The following ROS1 variants were observed in gnomAD, a reference collection of about 807,000 sequenced individuals.
ROS1 encodes the protein ROS proto-oncogene 1, receptor tyrosine kinase, also known as proto-oncogene tyrosine-protein kinase ROS.
A neutral mutation model predicts 273.5 loss-of-function variants in ROS1; 263 were observed. The observed-to-expected ratio is 0.96, with a 90% CI of 0.87 to 1.06. ROS1 has a LOEUF of 1.06. Among genes scored for constraint, ROS1 ranks in the 50% least tolerant of loss-of-function variants. The pLI is 0.00. For synonymous variants in ROS1, 1,008 were observed against 954.1 expected, an observed-to-expected ratio of 1.06 and a Z score of -1.04; for missense variants, 2,833 against 2,751.1, an observed-to-expected ratio of 1.03 and a Z score of -0.67.
intron 21 of ROS1, among the ~76,000 whole-genome samples, chr6:117,363,848 A>T (rs1476818932): frequency 6.6e-6 from 1 of 151,930 alleles, no homozygotes; most frequent in East Asian, 1.9e-4. Context: ...CTGTTTTATG[A>T]ACTCCATCAG....
At chr6:117,299,738 A>G (rs910749590) in intron 43 of ROS1, 2 of 152,242 alleles carry the variant, frequency 1.3e-5, no homozygotes, top group African/African-American at 4.8e-5. Flanking sequence ...TTTTAATAAC[A>G]AGAAGTTCTA....
intron 35 of ROS1, among the ~76,000 whole-genome samples, chr6:117,323,735 T>C (rs1239862378): frequency 6.6e-6 from 1 of 152,086 alleles, no homozygotes; most frequent in Non-Finnish European, 1.5e-5. Context: ...AGAAAAAAAA[T>C]AGCTTTCTAT....
intron 27 of ROS1, among the ~76,000 whole-genome samples, chr6:117,344,736 T>C (rs1264542611): frequency 1.3e-5 from 2 of 152,218 alleles, no homozygotes; most frequent in East Asian, 3.9e-4. Flanking sequence ...AATAAAGGAC[T>C]CACTAAGGAT....
At chr6:117,329,572 G>A (rs2128594084) in intron 32 of ROS1, 126 bp from the exon 33 acceptor site, 3 of 582,776 alleles carry the variant, frequency 5.1e-6, no homozygotes, top group Non-Finnish European at 9.0e-6. Context: ...GCGGGGCCAA[G>A]ATGGCCGACT....
intron 1 of ROS1, among the ~76,000 whole-genome samples, chr6:117,425,200 A>G (rs1341009311): frequency 6.6e-6 from 1 of 152,202 alleles, no homozygotes; most frequent in Non-Finnish European, 1.5e-5. Flanking sequence ...GTTTCAAGAC[A>G]ACTACTAATG....
intron 29 of ROS1, 23 bp downstream of exon 29, chr6:117,342,377 C>T (rs749969504): frequency 4.4e-6 from 7 of 1,605,208 alleles, no homozygotes; most frequent in African/African-American, 1.3e-5. Flanking sequence ...GCTTGAGAAA[C>T]CCACAACAAG....
chr6:117,328,733 T>C (rs1327044844), intron 33 of ROS1: 2 of 613,924 alleles, frequency 3.3e-6, no homozygotes, highest in East Asian at 3.4e-5. Flanking sequence ...AAGCCAGTTA[T>C]GGTTCACGTG....
intron 27 of ROS1, among the ~76,000 whole-genome samples, chr6:117,347,819 T>C (rs1778499902): frequency 6.6e-6 from 1 of 152,068 alleles, no homozygotes; most frequent in African/African-American, 2.4e-5. Context: ...CATCTATCAA[T>C]GTGACCGCCT....
intron 35 of ROS1, 120 bp from the exon 36 acceptor site, chr6:117,321,514 T>C (rs1014328549): frequency 5.5e-5 from 44 of 805,814 alleles, no homozygotes; most frequent in African/African-American, 5.1e-4. Flanking sequence ...AGAATAGTTA[T>C]AGAAGTTTTC....
rs891349668 is a variant in ROS1, at chr6:117,288,225, G to A, written c.*267C>T. ...ACCTCAAGGGAGAAGGGAGAGCAGT[G>A]TTTCCCTTCCAGACTTCTGAGTCTT... is the stretch of plus-strand genomic sequence containing the variant. On this transcript the variant is annotated 3_prime_UTR_variant, in exon 44 of 44. Coordinates refer to ENST00000368507, the MANE Select transcript of ROS1 (RefSeq NM_001378902.1). The A allele has an allele frequency of 1.3e-5, 6 of 468,056 alleles. No homozygotes were observed. Among genetic ancestry groups the A allele is most frequent in the South Asian group, 3.0e-5 (1 of 33,236 alleles). 29.0% of individuals were successfully genotyped at this position (468,056 alleles called of 1,614,324 possible).
chr6:117,311,316 A>T (rs575072554), intron 39 of ROS1, among the ~76,000 whole-genome samples, 199 bp from the exon 40 acceptor site: 7 of 152,240 alleles, frequency 4.6e-5, no homozygotes, highest in Non-Finnish European at 7.4e-5. Context: ...AAATATACAT[A>T]AAAAATGACA....
At chr6:117,377,314 T>C (rs1461628605) in intron 18 of ROS1, among the ~76,000 whole-genome samples, 1 of 152,132 alleles carries the variant, frequency 6.6e-6, no homozygotes, top group African/African-American at 2.4e-5. Context: ...TTTCACCACG[T>C]TGGTCAGGCT....
chr6:117,336,625 C>G (rs1413793815), intron 32 of ROS1, among the ~76,000 whole-genome samples: 1 of 152,122 alleles, frequency 6.6e-6, no homozygotes, highest in Non-Finnish European at 1.5e-5. Flanking sequence ...AATAGTGCTA[C>G]AGTGAACATA....
At chr6:117,313,571 C>T (rs1423095380) in intron 39 of ROS1, among the ~76,000 whole-genome samples, 1 of 115,552 alleles carries the variant, frequency 8.7e-6, no homozygotes, top group Non-Finnish European at 1.9e-5. Flanking sequence ...AGACTCTGTC[C>T]AAAAAAAAAA....
chr6:117,404,248 C>A (rs1464339432), intron 6 of ROS1, 32 bp downstream of exon 6: 5 of 1,593,572 alleles, frequency 3.1e-6, no homozygotes, highest in Non-Finnish European at 4.3e-6. Flanking sequence ...GGGAAGGGGT[C>A]TGGGTTGAGG....
At chr6:117,372,566 TTGGAGTTTCTTCCTTCTGG>T (rs1388917225) in intron 18 of ROS1, among the ~76,000 whole-genome samples, 1 of 152,178 alleles carries the variant, frequency 6.6e-6, no homozygotes, top group Non-Finnish European at 1.5e-5. Context: ...TCGGATGTGT[TTGGAGTTTCTTCCTTCTGG>T]TGGGTTCGTG....
At chr6:117,398,159 A>T (rs1437479470) in intron 7 of ROS1, among the ~76,000 whole-genome samples, 1 of 152,178 alleles carries the variant, frequency 6.6e-6, no homozygotes, top group African/African-American at 2.4e-5. Flanking sequence ...ATATAATTAG[A>T]ATGTCAAAAT....
At chr6:117,302,448 A>G (rs1349331856) in intron 42 of ROS1, among the ~76,000 whole-genome samples, 3 of 152,144 alleles carry the variant, frequency 2.0e-5, no homozygotes, top group Admixed American at 1.3e-4. Flanking sequence ...CCAGAATTCA[A>G]TAAGGAGTGA....
chr6:117,311,791 T>C (rs1010555192), intron 39 of ROS1, among the ~76,000 whole-genome samples: 29 of 152,106 alleles, frequency 1.9e-4, no homozygotes, highest in African/African-American at 7.0e-4. Context: ...GATTTCTACA[T>C]GAAAAGAAGC....
Sources: gnomAD v4.1 joint callset for allele counts (sites outside exome capture counted in the v4.1 genomes callset) on GRCh38, gnomAD v4.1.1 for gene constraint, MANE v1.5 for transcripts, NCBI Gene and HGNC (gene_info 2026-07-23, HGNC 2026-07-21) for gene names.